The following PARVA variants were observed in gnomAD, a reference collection of about 807,000 sequenced individuals.
PARVA encodes the protein parvin alpha.
A neutral mutation model predicts 52.6 loss-of-function variants in PARVA; 25 were observed. That is an observed-to-expected ratio of 0.48 (90% CI 0.35 to 0.66). The LOEUF (loss-of-function observed/expected upper bound fraction) is 0.66, where lower values mean the gene tolerates loss of function less well. Ranked by LOEUF, PARVA falls within the 30% of genes least tolerant of loss-of-function variation. The probability of loss-of-function intolerance (pLI) is 0.01; values close to 1 mark genes in which losing one functional copy is unlikely to be tolerated. For synonymous variants in PARVA, 185 were observed against 179.1 expected, an observed-to-expected ratio of 1.03 and a Z score of -0.26; for missense variants, 373 against 450.9, an observed-to-expected ratio of 0.83 and a Z score of 1.56.
intron 5 of PARVA, among the ~76,000 whole-genome samples, chr11:12,503,118 G>A (rs1224018552): frequency 6.6e-6 from 1 of 152,116 alleles, no homozygotes; most frequent in Non-Finnish European, 1.5e-5. Context: ...AGCAGCTTTG[G>A]CAGCCCCCTG....
intron 1 of PARVA, among the ~76,000 whole-genome samples, chr11:12,388,728 A>G (rs1345442801): frequency 2.6e-5 from 4 of 151,792 alleles, no homozygotes; most frequent in African/African-American, 9.7e-5. Flanking sequence ...TATACTATGT[A>G]TGTTGTAAAG....
intron 1 of PARVA, among the ~76,000 whole-genome samples, chr11:12,409,946 C>T (rs1263806856): frequency 6.6e-6 from 1 of 152,224 alleles, no homozygotes; most frequent in African/African-American, 2.4e-5. Flanking sequence ...GTACCTGCTA[C>T]ATGCCAGGCT....
intron 1 of PARVA, among the ~76,000 whole-genome samples, chr11:12,456,637 A>G (rs536256964): frequency 6.6e-6 from 1 of 152,080 alleles, no homozygotes; most frequent in South Asian, 2.1e-4. Context: ...AACCTTCCCA[A>G]AAATGTTCCC....
At chr11:12,512,946 C>G (rs541886682) in intron 8 of PARVA, among the ~76,000 whole-genome samples, 1 of 152,288 alleles carries the variant, frequency 6.6e-6, no homozygotes, top group South Asian at 2.1e-4. Context: ...GGATAACATT[C>G]TCCCTCTACA....
chr11:12,482,963 T>G (rs781301605), intron 4 of PARVA, among the ~76,000 whole-genome samples: 9 of 152,210 alleles, frequency 5.9e-5, no homozygotes, highest in Non-Finnish European at 1.3e-4. Flanking sequence ...GGTGAAAGCC[T>G]GAACAGGTGA....
intron 4 of PARVA, among the ~76,000 whole-genome samples, chr11:12,483,527 A>G (rs934388525): frequency 6.6e-5 from 10 of 152,166 alleles, no homozygotes; most frequent in African/African-American, 2.4e-4. Flanking sequence ...CATTTATCCT[A>G]TGGCTCCTTT....
chr11:12,518,274 AG>A (rs759617993), intron 11 of PARVA, among the ~76,000 whole-genome samples, 170 bp from the exon 12 acceptor site: 7 of 152,302 alleles, frequency 4.6e-5, no homozygotes, highest in Non-Finnish European at 1.0e-4. Flanking sequence ...AGCTAGGATC[AG>A]CTAGCTCACG....
Position 12,460,907 on chromosome 11 carries a change from G to C in PARVA, c.137-12838G>C, listed in dbSNP as rs113077261. Among the ~76,000 whole-genome samples, 389 of 152,290 alleles carry C rather than the reference G, an allele frequency of 2.6e-3. 1 individual carries two copies. Among genetic ancestry groups the C allele is most frequent in the African/African-American group, 8.9e-3 (368 of 41,564 alleles). On this transcript the variant is annotated intron_variant, in intron 1 of 12. Transcript: ENST00000334956. ...CTTAGGGTTCTGCTGACAGCCTGTG[G>C]CTCCAAAACGCTCATCTATTGCTGC... is the stretch of plus-strand genomic sequence containing the variant.
intron 1 of PARVA, among the ~76,000 whole-genome samples, chr11:12,467,959 A>G (rs1158210311): frequency 2.0e-5 from 3 of 152,214 alleles, no homozygotes; most frequent in Non-Finnish European, 4.4e-5. Context: ...GTGCTCAGAC[A>G]TAATCACTAC....
At chr11:12,408,293 T>TC (rs917140597) in intron 1 of PARVA, among the ~76,000 whole-genome samples, 15 of 152,180 alleles carry the variant, frequency 9.9e-5, no homozygotes, top group Admixed American at 6.5e-4. Flanking sequence ...GGGTTGGTTT[T>TC]CCCAAATTGA....
At chr11:12,398,573 G>A (rs1228880910) in intron 1 of PARVA, among the ~76,000 whole-genome samples, 1 of 150,358 alleles carries the variant, frequency 6.7e-6, no homozygotes, top group Non-Finnish European at 1.5e-5. Context: ...AGGGACCCCC[G>A]TCCTCCTGTG....
chr11:12,491,843 T>A (rs1053468192), intron 4 of PARVA, among the ~76,000 whole-genome samples: 9 of 152,206 alleles, frequency 5.9e-5, no homozygotes, highest in Non-Finnish European at 1.2e-4. Flanking sequence ...CAGCTCTAAC[T>A]AATCTGTATA....
chr11:12,463,102 G>C (rs943207329), intron 1 of PARVA, among the ~76,000 whole-genome samples: 2 of 151,154 alleles, frequency 1.3e-5, no homozygotes, highest in Non-Finnish European at 2.9e-5. Context: ...CAGAGTTTTC[G>C]TATATCCCAC....
At chr11:12,508,181 C>A (rs920076434) in intron 6 of PARVA, among the ~76,000 whole-genome samples, 29 of 151,796 alleles carry the variant, frequency 1.9e-4, no homozygotes, top group Non-Finnish European at 4.3e-4. Context: ...AGTTCCTCCA[C>A]CCAGCCCCCC....
rs559956172 is a variant in PARVA, at chr11:12,532,819, G to A, written c.*4894G>A. Among the ~76,000 whole-genome samples the A allele has an allele frequency of 2.0e-5, 3 of 152,308 alleles. No homozygotes were observed. The highest frequency in any genetic ancestry group is 7.2e-5 in the African/African-American group (3 of 41,554). The stretch of plus-strand genomic sequence containing the variant: ...CCAGAGGAGTGCGGAAAGCCAGCAT[G>A]GCTAGAGGACACAGAATGAGGGAGA... On this transcript the variant is annotated 3_prime_UTR_variant, in exon 13 of 13. Coordinates refer to ENST00000334956, the MANE Select transcript of PARVA (RefSeq NM_018222.5).
At chr11:12,453,168 G>A (rs1940647634) in intron 1 of PARVA, 1 of 379,958 alleles carries the variant, frequency 2.6e-6, no homozygotes, top group Non-Finnish European at 5.4e-6. Context: ...GCATTTGAAG[G>A]GTTTTTATAT....
chr11:12,431,494 C>T (rs2081612), intron 1 of PARVA, among the ~76,000 whole-genome samples: 27,715 of 152,142 alleles, frequency 0.18, 4,598 homozygotes, highest in African/African-American at 0.44. Context: ...TCTGCAGAAC[C>T]CAAGGCCCCT....
intron 1 of PARVA, among the ~76,000 whole-genome samples, chr11:12,427,457 C>G (rs1384436299): frequency 2.0e-5 from 3 of 152,156 alleles, no homozygotes; most frequent in African/African-American, 4.8e-5. Context: ...GAATACATGG[C>G]TATTTTAGCC....
chr11:12,442,370 A>G (rs1940479333), intron 1 of PARVA, among the ~76,000 whole-genome samples: 1 of 152,236 alleles, frequency 6.6e-6, no homozygotes, highest in African/African-American at 2.4e-5. Context: ...AATGTAAGGT[A>G]TGGTATTCAT....
Sources: allele counts gnomAD v4.1 joint callset (sites outside exome capture counted in the v4.1 genomes callset), GRCh38; gene constraint gnomAD v4.1.1; transcripts MANE v1.5; gene names NCBI Gene and HGNC (gene_info 2026-07-23, HGNC 2026-07-21).